CAPN8: variants seen among roughly 807,000 people sequenced by gnomAD.
The protein encoded by CAPN8 is calpain 8, also known as calpain-8.
CAPN8 carries 87 observed loss-of-function variants against 80.9 expected under a neutral mutation model. The observed-to-expected ratio is 1.07, with a 90% CI of 0.90 to 1.28. CAPN8 has a LOEUF of 1.28. Among genes scored for constraint, CAPN8 ranks in the 50% most tolerant of loss-of-function variants. CAPN8 has a pLI of 0.00. For missense variants in CAPN8, 757 were observed against 702.0 expected (o/e 1.08, Z -0.89); for synonymous variants, 299 against 273.8 (o/e 1.09, Z -0.91).
At chr1:223,550,246 T>A (rs756100900) in intron 15 of CAPN8, among the ~76,000 whole-genome samples, 2 of 152,170 alleles carry the variant, frequency 1.3e-5, no homozygotes, top group Non-Finnish European at 2.9e-5. Context: ...GCCCTGGGGA[T>A]CCATCTGCTC....
At chr1:223,615,772 C>T in intron 10 of CAPN8, 198 bp downstream of exon 10, 1 of 707,924 alleles carries the variant, frequency 1.4e-6, no homozygotes, top group Non-Finnish European at 2.5e-6. Flanking sequence ...ACAGCAGAGA[C>T]TTAAGCCATA....
chr1:223,642,262 G>A (rs1658063476), intron 2 of CAPN8, among the ~76,000 whole-genome samples: 1 of 151,672 alleles, frequency 6.6e-6, no homozygotes, highest in South Asian at 2.1e-4. Flanking sequence ...GAAACAAAGA[G>A]TTTCGAAGAT....
At chr1:223,648,861 T>C (rs1191449292) in intron 2 of CAPN8, among the ~76,000 whole-genome samples, 1 of 151,942 alleles carries the variant, frequency 6.6e-6, no homozygotes, top group Non-Finnish European at 1.5e-5. Flanking sequence ...ACACGGAGTA[T>C]AAGACAGAGT....
At chr1:223,549,450 G>A (rs567391824) in intron 15 of CAPN8, 68 bp from the exon 16 acceptor site, 161 of 1,547,260 alleles carry the variant, frequency 1.0e-4, no homozygotes, top group Non-Finnish European at 1.3e-4. Context: ...GAACCTCCAC[G>A]GTAGAAGACC....
At position 223,541,830 on chromosome 1, in the gene CAPN8, C is replaced by T. The variant is rs750209112; in HGVS notation, c.*6G>A. The T allele has an allele frequency of 5.5e-5, 85 of 1,551,220 alleles. No individual in the cohort carries two copies. The highest frequency in any genetic ancestry group is 7.1e-5 in the Non-Finnish European group (82 of 1,146,874). On this transcript the variant is annotated 3_prime_UTR_variant, in exon 21 of 21. Coordinates refer to ENST00000366872, the MANE Select transcript of CAPN8 (RefSeq NM_001143962.2). ...AGGGAGTGTCACTGATGTCCGAAACCCCGGGTCAGACCAACACGCAGCACA... is the reference window on the plus strand; with the variant it reads ...AGGGAGTGTCACTGATGTCCGAAACTCCGGGTCAGACCAACACGCAGCACA...
At chr1:223,547,131 C>T (rs116793185) in intron 16 of CAPN8, among the ~76,000 whole-genome samples, 2,072 of 152,282 alleles carry the variant, frequency 0.014, 33 homozygotes, top group East Asian at 0.054. Flanking sequence ...AGACTGGTCT[C>T]GAACTCCTGG....
At chr1:223,552,375 C>T (rs1404293377) in intron 14 of CAPN8, among the ~76,000 whole-genome samples, 2 of 152,048 alleles carry the variant, frequency 1.3e-5, no homozygotes, top group Non-Finnish European at 2.9e-5. Flanking sequence ...ACCAGCCTGG[C>T]CAATATGGCG....
chr1:223,650,711 T>G (rs905715971), intron 2 of CAPN8, among the ~76,000 whole-genome samples: 19 of 152,102 alleles, frequency 1.2e-4, no homozygotes, highest in Non-Finnish European at 4.4e-5. Context: ...TCTAGTTGGA[T>G]GAGCCAATAA....
In CAPN8 at chr1:223,654,410, T is replaced by C. The variant is rs1330060041; in HGVS notation, c.238-11A>G. On this transcript the variant is annotated splice_polypyrimidine_tract_variant and intron_variant, in intron 1 of 20. Transcript: ENST00000366872. ...GCTGGGACACAACTCCTGAAAGTAA[T>C]TTGGAACAAAACACAAGTCACAAGG... 2 of 1,551,470 alleles carry C rather than the reference T, an allele frequency of 1.3e-6. No homozygotes were observed. The highest frequency in any genetic ancestry group is 8.7e-7 in the Non-Finnish European group (1 of 1,146,882).
At chr1:223,623,010 G>A in intron 6 of CAPN8, 110 bp from the exon 7 acceptor site, 2 of 801,384 alleles carry the variant, frequency 2.5e-6, no homozygotes, top group Non-Finnish European at 4.0e-6. Flanking sequence ...GTCCCTAAAG[G>A]ACCACACTTT....
chr1:223,624,045 C>T (rs776990599), intron 6 of CAPN8, among the ~76,000 whole-genome samples: 36 of 150,970 alleles, frequency 2.4e-4, no homozygotes, highest in Non-Finnish European at 4.9e-4. Context: ...GAAACACAAA[C>T]ACATGTAAAG....
chr1:223,652,177 A>T (rs1658360215), intron 2 of CAPN8, among the ~76,000 whole-genome samples: 1 of 152,144 alleles, frequency 6.6e-6, no homozygotes. Context: ...TGTCTCTACA[A>T]AAAACTACAA....
chr1:223,611,014 G>T lies in CAPN8; in HGVS notation c.1323+1232C>A, dbSNP rs534306086. Among the ~76,000 whole-genome samples, 158 of 87,764 alleles carry T rather than the reference G, an allele frequency of 1.8e-3. 1 individual carries two copies. The highest frequency in any genetic ancestry group is 8.6e-3 in the African/African-American group (150 of 17,538). The allele number at this position is 87,764 out of a possible 152,430, so 57.6% of individuals were successfully genotyped here. The stretch of plus-strand genomic sequence containing the variant: ...GCACATTCTAAGTTTGACAACTGTT[G>T]TCCTGAAGGCCCCCCGGCACTCGTA... On this transcript the variant is annotated intron_variant, in intron 11 of 20. Coordinates refer to ENST00000366872, the MANE Select transcript of CAPN8 (RefSeq NM_001143962.2).
At chr1:223,647,416 C>G (rs1658219350) in intron 2 of CAPN8, among the ~76,000 whole-genome samples, 1 of 152,120 alleles carries the variant, frequency 6.6e-6, no homozygotes, top group African/African-American at 2.4e-5. Context: ...AATGATTTTT[C>G]CTCTACCCAC....
chr1:223,651,208 T>C (rs1658335000), intron 2 of CAPN8, among the ~76,000 whole-genome samples: 1 of 152,036 alleles, frequency 6.6e-6, no homozygotes, highest in Non-Finnish European at 1.5e-5. Flanking sequence ...AACAGCAACT[T>C]TGAAGAACTC....
chr1:223,545,500 G>A, intron 16 of CAPN8: 2 of 783,402 alleles, frequency 2.6e-6, no homozygotes, highest in Non-Finnish European at 3.9e-6. Context: ...TCTCCTCTGA[G>A]GCCAGGCACA....
At chr1:223,664,145 G>A (rs1658725901) in intron 1 of CAPN8, among the ~76,000 whole-genome samples, 1 of 152,190 alleles carries the variant, frequency 6.6e-6, no homozygotes. Context: ...TCTAGGTTTT[G>A]GGAGGACTGT....
In CAPN8 at chr1:223,544,816, C is replaced by T; in HGVS notation, c.1868G>A (p.Gly623Asp). Reference protein sequence around the residue: ...IYWETDYNHSGTIDAHEMRTA... With the variant: ...IYWETDYNHSDTIDAHEMRTA... ...CCTCATCTCGTGGGCATCGATGGTG[C>T]CCGAGTGGTTATAATCAGTTTCCCA... Residue 623 changes from glycine to aspartate, a missense_variant, in exon 18 of 21, where the codon GGC becomes GAC. Transcript: ENST00000366872. 1.3e-6 allele frequency: 2 copies of T among 1,551,684 alleles called. No individual in the cohort carries two copies. The highest frequency in any genetic ancestry group is 8.7e-7 in the Non-Finnish European group (1 of 1,146,998).
chr1:223,618,389 C>G, intron 9 of CAPN8: 1 of 1,435,938 alleles, frequency 7.0e-7, no homozygotes, highest in South Asian at 1.2e-5. Flanking sequence ...ACCATACTAT[C>G]TCCACCAGGG....
Sources: gnomAD v4.1 joint callset for allele counts (sites outside exome capture counted in the v4.1 genomes callset) on GRCh38, gnomAD v4.1.1 for gene constraint, MANE v1.5 for transcripts, NCBI Gene and HGNC (gene_info 2026-07-23, HGNC 2026-07-21) for gene names.